The following MAP3K4 variants were observed in gnomAD, a reference collection of about 807,000 sequenced individuals.
The protein encoded by MAP3K4 is MAP three kinase 1.
MAP3K4 carries 67 observed loss-of-function variants against 185.6 expected under a neutral mutation model. The ratio of observed to expected loss-of-function variants is 0.36; its 90% CI spans 0.30 to 0.44. MAP3K4 has a LOEUF of 0.44. Among genes scored for constraint, MAP3K4 ranks in the 20% least tolerant of loss-of-function variants. The probability of loss-of-function intolerance (pLI) is 1.00; values close to 1 mark genes in which losing one functional copy is unlikely to be tolerated. For synonymous variants in MAP3K4, 702 were observed against 710.4 expected, an observed-to-expected ratio of 0.99 and a Z score of 0.19; for missense variants, 1,551 against 1,995.1, an observed-to-expected ratio of 0.78 and a Z score of 4.24.
Position 161,106,417 on chromosome 6 carries a change from GTGCTAATATATAT to G in MAP3K4, c.3857-92_3857-80del. The G allele has an allele frequency of 1.3e-6, 1 of 799,072 alleles. No individual in the cohort carries two copies. The highest frequency in any genetic ancestry group is 1.9e-5 in the South Asian group (1 of 51,496). 49.5% of individuals were successfully genotyped at this position (799,072 alleles called of 1,614,324 possible). A position where few individuals can be genotyped will look rare whatever the true frequency, so the allele number is the denominator to read the frequency against. On this transcript the variant is annotated intron_variant, in intron 19 of 26. Transcript: ENST00000392142. This position sits in a 1 kb window ranked among gnomAD's most constrained non-coding sequence, Gnocchi z 4.9. The stretch of plus-strand genomic sequence containing the variant: ...AGATAATAAGCTTTGCTGTAATGGA[GTGCTAATATATAT>G]TGCTCTATTTTTATTGGTTTGTCTT...
chr6:161,019,159 A>G (rs937162718), intron 1 of MAP3K4, among the ~76,000 whole-genome samples: 3 of 152,200 alleles, frequency 2.0e-5, no homozygotes, highest in Non-Finnish European at 4.4e-5. Context: ...AAATTTGATA[A>G]ATGCTGTCAA....
chr6:161,034,637 C>T lies in MAP3K4; in HGVS notation c.343+188C>T, dbSNP rs182668324. On this transcript the variant is annotated intron_variant, in intron 2 of 26. Transcript: ENST00000392142. The surrounding 1 kb of genome is among the most constrained non-coding windows in gnomAD (Gnocchi z 4.4). ...ACACATAGTTTTCCAGAGATAGAAA[C>T]GTTTGTCCTGAGTAATGGTTAAAGC... is the stretch of plus-strand genomic sequence containing the variant. 2.4e-4 allele frequency among the ~76,000 whole-genome samples: 37 copies of T among 151,848 alleles called. No individual in the cohort carries two copies. The highest frequency in any genetic ancestry group is 1.5e-4 in the Non-Finnish European group (10 of 67,966).
At chr6:160,995,845 T>TA (rs1379484533) in intron 1 of MAP3K4, among the ~76,000 whole-genome samples, 1 of 152,262 alleles carries the variant, frequency 6.6e-6, no homozygotes, top group South Asian at 2.1e-4. Flanking sequence ...TTAAGGCTGA[T>TA]ATAATGCTCT....
intron 1 of MAP3K4, among the ~76,000 whole-genome samples, chr6:161,029,623 A>G (rs985720034): frequency 3.3e-5 from 5 of 152,230 alleles, no homozygotes; most frequent in African/African-American, 1.2e-4. Flanking sequence ...AAGTAAGACA[A>G]ATGTTTCAGG....
At chr6:160,992,132 C>T in intron 1 of MAP3K4, 49 bp downstream of exon 1, 1 of 1,474,294 alleles carries the variant, frequency 6.8e-7, no homozygotes, top group Non-Finnish European at 8.9e-7. Context: ...GGGGCGGGTC[C>T]TGGCCCGAAC....
chr6:161,010,373 ATAAT>A (rs1199843193), intron 1 of MAP3K4, among the ~76,000 whole-genome samples: 4 of 152,208 alleles, frequency 2.6e-5, no homozygotes, highest in Non-Finnish European at 5.9e-5. Context: ...TACATAATAA[ATAAT>A]CTCAAGTAAT....
Position 161,093,696 on chromosome 6 carries a change from T to C in MAP3K4, c.3349-77T>C. 2 of 825,530 alleles carry C rather than the reference T, an allele frequency of 2.4e-6. No homozygotes were observed. Among genetic ancestry groups the C allele is most frequent in the Non-Finnish European group, 3.9e-6 (2 of 507,418 alleles). 51.1% of individuals were successfully genotyped at this position (825,530 alleles called of 1,614,324 possible). A position where few individuals can be genotyped will look rare whatever the true frequency, so the allele number is the denominator to read the frequency against. Reference sequence around the variant, plus strand: ...CATGTTTTTAAAAATATACTGAAAATTAATTTGTGCTACTTACATAATTAA... The same window carrying C: ...CATGTTTTTAAAAATATACTGAAAACTAATTTGTGCTACTTACATAATTAA... On this transcript the variant is annotated intron_variant, in intron 14 of 26. Coordinates refer to ENST00000392142, the MANE Select transcript of MAP3K4 (RefSeq NM_005922.4). The surrounding 1 kb of genome is among the most constrained non-coding windows in gnomAD (Gnocchi z 5.2).
In MAP3K4 at chr6:161,087,828, C is replaced by A. The variant is rs1309680302; in HGVS notation, c.2697C>A (p.Ala899=). 6.2e-7 allele frequency: 1 copy of A among 1,614,150 alleles called. No homozygotes were observed. The highest frequency in any genetic ancestry group is 2.2e-5 in the East Asian group (1 of 44,872). Residue 899 remains alanine, a synonymous_variant, in exon 10 of 27, where the codon GCC becomes GCA. Coordinates refer to ENST00000392142, the MANE Select transcript of MAP3K4 (RefSeq NM_005922.4). This position sits in a 1 kb window ranked among gnomAD's most constrained non-coding sequence, Gnocchi z 4.9. ...SKDSDDVLID[A]YLLLTKHGDR... ...ATTCAGATGACGTACTCATCGATGCCTATCTGCTTCTGACCAAGCACGGTG... is the reference window on the plus strand; with the variant it reads ...ATTCAGATGACGTACTCATCGATGCATATCTGCTTCTGACCAAGCACGGTG...
chr6:161,095,592 T>C (rs1340904081), intron 15 of MAP3K4, among the ~76,000 whole-genome samples: 5 of 152,202 alleles, frequency 3.3e-5, no homozygotes, highest in African/African-American at 1.2e-4. Context: ...CACACAGTCA[T>C]ATATAGGGTG....
At position 161,062,649 on chromosome 6, in the gene MAP3K4, T is replaced by C. The variant is rs1047506121; in HGVS notation, c.1708-7959T>C. Among the ~76,000 whole-genome samples, 5 of 152,338 alleles carry C rather than the reference T, an allele frequency of 3.3e-5. No homozygotes were observed. In the South Asian group the frequency reaches 1.0e-3, roughly 32 times the overall value. Reference sequence around the variant, plus strand: ...TCCATAAAATCTTTGGTTTATATTTTCTTTCCTTGGATAAATTTGTTATTC... The same window carrying C: ...TCCATAAAATCTTTGGTTTATATTTCCTTTCCTTGGATAAATTTGTTATTC... On this transcript the variant is annotated intron_variant, in intron 3 of 26. Coordinates refer to ENST00000392142, the MANE Select transcript of MAP3K4 (RefSeq NM_005922.4).
In MAP3K4 at chr6:161,075,460, A is replaced by G. The variant is rs1182428724; in HGVS notation, c.2097+1848A>G. Among the ~76,000 whole-genome samples the G allele has an allele frequency of 6.6e-6, 1 of 152,206 alleles. No individual in the cohort carries two copies. Among genetic ancestry groups the G allele is most frequent in the Non-Finnish European group, 1.5e-5 (1 of 68,032 alleles). On this transcript the variant is annotated intron_variant, in intron 5 of 26. Transcript: ENST00000392142. The surrounding 1 kb of genome is among the most constrained non-coding windows in gnomAD (Gnocchi z 4.3). The stretch of plus-strand genomic sequence containing the variant: ...GCATTAGCCACCACACCTGCCCACT[A>G]TATATTTCTTATGTCAAAAAAATCT...
intron 1 of MAP3K4, among the ~76,000 whole-genome samples, chr6:161,013,714 C>T (rs1781955873): frequency 1.3e-5 from 2 of 152,222 alleles, no homozygotes; most frequent in South Asian, 2.1e-4. Context: ...GGCAGGGCTG[C>T]CCCGTAGGCC....
intron 1 of MAP3K4, among the ~76,000 whole-genome samples, chr6:160,995,821 G>T (rs1024607969): frequency 6.6e-6 from 1 of 152,116 alleles, no homozygotes; most frequent in Non-Finnish European, 1.5e-5. Context: ...CTAAAACACA[G>T]AATAAATTGG....
chr6:161,094,425 A>G (rs1264982340), intron 15 of MAP3K4, among the ~76,000 whole-genome samples: 2 of 152,260 alleles, frequency 1.3e-5, no homozygotes, highest in African/African-American at 4.8e-5. Flanking sequence ...TTTTACAGTA[A>G]CAATGAATGA....
chr6:161,023,548 A>C (rs972563140), intron 1 of MAP3K4, among the ~76,000 whole-genome samples: 2 of 152,258 alleles, frequency 1.3e-5, no homozygotes, highest in African/African-American at 4.8e-5. Context: ...GCAGTTGATC[A>C]GACTCTGTTT....
Position 161,091,277 on chromosome 6 carries a change from TG to T in MAP3K4, c.2974-100del, listed in dbSNP as rs769844451. ...TACCAAGTGGCTGAATTGTTTGTAG[TG>T]GTTAATGTCTGTGTGATGATGAACG... On this transcript the variant is annotated intron_variant, in intron 11 of 26. Transcript: ENST00000392142. This position sits in a 1 kb window ranked among gnomAD's most constrained non-coding sequence, Gnocchi z 5.5. 60 of 832,208 alleles carry T rather than the reference TG, an allele frequency of 7.2e-5. No homozygotes were observed. The highest frequency in any genetic ancestry group is 1.0e-4 in the Non-Finnish European group (55 of 548,318). 51.6% of individuals were successfully genotyped at this position (832,208 alleles called of 1,614,324 possible). A position where few individuals can be genotyped will look rare whatever the true frequency, so the allele number is the denominator to read the frequency against.
chr6:161,084,719 C>A lies in MAP3K4; in HGVS notation c.2372+102C>A. On this transcript the variant is annotated intron_variant, in intron 7 of 26. Transcript: ENST00000392142. This position sits in a 1 kb window ranked among gnomAD's most constrained non-coding sequence, Gnocchi z 4.6. ...CCTTGTTCAAACCAAATTGTGTTGG[C>A]CTGGAAGAATTTGGGCAGTAGATGT... 1 of 627,190 alleles carries A rather than the reference C, an allele frequency of 1.6e-6. No individual in the cohort carries two copies. 38.9% of individuals were successfully genotyped at this position (627,190 alleles called of 1,614,324 possible). A position where few individuals can be genotyped will look rare whatever the true frequency, so the allele number is the denominator to read the frequency against.
intron 1 of MAP3K4, among the ~76,000 whole-genome samples, chr6:160,998,909 T>C (rs979750925): frequency 6.6e-6 from 1 of 152,246 alleles, no homozygotes; most frequent in African/African-American, 2.4e-5. Flanking sequence ...ATTTATTCAC[T>C]AGCAGGCAAC....
intron 1 of MAP3K4, among the ~76,000 whole-genome samples, chr6:161,032,129 C>A (rs773500874): frequency 6.6e-6 from 1 of 152,166 alleles, no homozygotes. Context: ...AAAATATAGT[C>A]TTTTCTTAGT....
Sources: allele counts gnomAD v4.1 joint callset (sites outside exome capture counted in the v4.1 genomes callset), GRCh38; gene constraint gnomAD v4.1.1; non-coding constraint Gnocchi (gnomAD v3.1); transcripts MANE v1.5; gene names NCBI Gene and HGNC (gene_info 2026-07-23, HGNC 2026-07-21).